LPIN2: variants seen among roughly 807,000 people sequenced by gnomAD.
The protein encoded by LPIN2 is lipin 2.
In LPIN2, 55 loss-of-function variants were observed where a neutral mutation model predicts 111.4. The ratio of observed to expected loss-of-function variants is 0.49; its 90% CI spans 0.40 to 0.62. The LOEUF is 0.62. LPIN2 is among the 20% of genes least tolerant of loss of function. LPIN2 has a pLI of 0.00. For synonymous variants in LPIN2, 425 were observed against 414.0 expected (o/e 1.03, Z -0.32); for missense variants, 992 against 1,112.1 (o/e 0.89, Z 1.54).
chr18:2,938,362 A>T (rs542332752), intron 6 of LPIN2, among the ~76,000 whole-genome samples: 101 of 152,294 alleles, frequency 6.6e-4, no homozygotes, highest in African/African-American at 2.4e-3. Context: ...TGTCTCTACT[A>T]AAAATACAAA....
intron 1 of LPIN2, chr18:2,982,738 T>C (rs1050236257): frequency 3.1e-6 from 4 of 1,302,938 alleles, no homozygotes; most frequent in Non-Finnish European, 4.0e-6. Context: ...ACAAACCACC[T>C]CATCTTCCTT....
At chr18:2,924,040 C>A (rs2077095122) in intron 15 of LPIN2, among the ~76,000 whole-genome samples, 179 bp from the exon 16 acceptor site, 1 of 152,214 alleles carries the variant, frequency 6.6e-6, no homozygotes, top group South Asian at 2.1e-4. Flanking sequence ...CACTGAGGTG[C>A]TTCTGAAAGC....
chr18:3,004,022 A>C (rs1179898947), intron 1 of LPIN2, among the ~76,000 whole-genome samples: 1 of 152,060 alleles, frequency 6.6e-6, no homozygotes, highest in Non-Finnish European at 1.5e-5. Flanking sequence ...TATGCAGTTG[A>C]GATAAGGACT....
chr18:2,978,473 C>T (rs914059933), intron 1 of LPIN2, among the ~76,000 whole-genome samples: 11 of 152,040 alleles, frequency 7.2e-5, no homozygotes, highest in Admixed American at 5.3e-4. Flanking sequence ...TCAGACAAAC[C>T]GAAGTAGAGA....
At chr18:2,921,000 G>A (rs537258281) in intron 18 of LPIN2, 119 bp from the exon 19 acceptor site, 105 of 750,670 alleles carry the variant, frequency 1.4e-4, no homozygotes, top group South Asian at 7.0e-4. Flanking sequence ...ATGCGGAGGC[G>A]GCACAGTGCA....
At chr18:2,957,054 A>T (rs2077625372) in intron 2 of LPIN2, among the ~76,000 whole-genome samples, 2 of 152,240 alleles carry the variant, frequency 1.3e-5, no homozygotes, top group Admixed American at 6.5e-5. Flanking sequence ...AAACAGTTTT[A>T]AAAATAACCC....
chr18:2,935,616 C>T (rs2077275073), intron 7 of LPIN2, among the ~76,000 whole-genome samples: 1 of 152,140 alleles, frequency 6.6e-6, no homozygotes, highest in Admixed American at 6.5e-5. Context: ...AAAAAATATT[C>T]TTGGTACAAT....
At chr18:2,964,934 T>C (rs1232453442) in intron 1 of LPIN2, among the ~76,000 whole-genome samples, 1 of 152,218 alleles carries the variant, frequency 6.6e-6, no homozygotes, top group Admixed American at 6.5e-5. Context: ...TTGGGTCTAC[T>C]CTGACTCTTA....
In LPIN2 at chr18:2,918,180, G is replaced by C. The variant is rs946911143; in HGVS notation, c.*2113C>G. The C allele has an allele frequency of 2.6e-5, 4 of 152,230 alleles. No homozygotes were observed. Among genetic ancestry groups the C allele is most frequent in the Admixed American group, 2.6e-4 (4 of 15,294 alleles). The allele number at this position is 152,230 out of a possible 1,614,324, so 9.4% of individuals were successfully genotyped here. On this transcript the variant is annotated 3_prime_UTR_variant, in exon 20 of 20. Coordinates refer to ENST00000677752, the MANE Select transcript of LPIN2 (RefSeq NM_001375808.2). ...AGTGCTAGCAGACACAGGGACAGAG[G>C]GACCAGCTACCCTCAACACAGGGCC... is the stretch of plus-strand genomic sequence containing the variant.
At chr18:2,990,463 A>G (rs2078248545) in intron 1 of LPIN2, among the ~76,000 whole-genome samples, 1 of 152,268 alleles carries the variant, frequency 6.6e-6, no homozygotes, top group African/African-American at 2.4e-5. Context: ...CAATTAAAAT[A>G]TGGGCAAAGG....
chr18:2,956,992 CCAA>C (rs2077624738), intron 2 of LPIN2, among the ~76,000 whole-genome samples: 1 of 152,190 alleles, frequency 6.6e-6, no homozygotes, highest in African/African-American at 2.4e-5. Flanking sequence ...ATTCTTCCCA[CCAA>C]CGTGATTATT....
At chr18:2,978,631 T>G (rs966065210) in intron 1 of LPIN2, among the ~76,000 whole-genome samples, 1 of 152,240 alleles carries the variant, frequency 6.6e-6, no homozygotes, top group Non-Finnish European at 1.5e-5. Context: ...AGGACATTAG[T>G]AAGAAGAATC....
chr18:2,923,738 G>A (rs748735039), intron 16 of LPIN2, 37 bp downstream of exon 16: 2 of 1,545,034 alleles, frequency 1.3e-6, no homozygotes, highest in Admixed American at 3.3e-5. Flanking sequence ...CAAGCTTCCA[G>A]CTCACCAGAG....
intron 1 of LPIN2, among the ~76,000 whole-genome samples, chr18:2,993,815 A>C (rs1421285487): frequency 1.3e-5 from 2 of 152,186 alleles, no homozygotes; most frequent in Non-Finnish European, 2.9e-5. Context: ...TGAGAACCCA[A>C]CTAAGCTTTG....
chr18:2,922,498 A>G lies in LPIN2; in HGVS notation c.2175-299T>C, dbSNP rs148084447. Among the ~76,000 whole-genome samples the G allele has an allele frequency of 7.8e-3, 1,181 of 152,236 alleles. 20 individuals are homozygous for G. Among genetic ancestry groups the G allele is most frequent in the African/African-American group, 0.027 (1,121 of 41,542 alleles). On this transcript the variant is annotated intron_variant, in intron 16 of 19. Coordinates refer to ENST00000677752, the MANE Select transcript of LPIN2 (RefSeq NM_001375808.2). ...CACCATGTTGGCTAGATTGGTCTTA[A>G]GCTCCTAACCTCAGGCAACCTGCCC...
At chr18:2,954,406 T>G in intron 3 of LPIN2, 98 bp downstream of exon 3, 1 of 819,418 alleles carries the variant, frequency 1.2e-6, no homozygotes, top group Non-Finnish European at 2.1e-6. Context: ...CAGTCCTCTG[T>G]ACAATCAACC....
intron 1 of LPIN2, among the ~76,000 whole-genome samples, chr18:2,962,582 T>A (rs1256023807): frequency 6.6e-6 from 1 of 152,118 alleles, no homozygotes; most frequent in East Asian, 1.9e-4. Context: ...TCATATAACA[T>A]CCCATTATGT....
At chr18:2,950,400 C>A (rs1028201038) in intron 4 of LPIN2, 2 of 152,662 alleles carry the variant, frequency 1.3e-5, no homozygotes, top group African/African-American at 4.8e-5. Flanking sequence ...CACTCATGGG[C>A]AGCAGCTTCT....
intron 1 of LPIN2, among the ~76,000 whole-genome samples, chr18:2,964,681 G>A (rs2077765857): frequency 6.6e-6 from 1 of 152,206 alleles, no homozygotes; most frequent in Non-Finnish European, 1.5e-5. Flanking sequence ...AGCTGACTAA[G>A]ACAAGTCTCT....
Sources: allele counts gnomAD v4.1 joint callset (sites outside exome capture counted in the v4.1 genomes callset), GRCh38; gene constraint gnomAD v4.1.1; transcripts MANE v1.5; gene names NCBI Gene and HGNC (gene_info 2026-07-23, HGNC 2026-07-21).